The following JAKMIP3 variants were observed in gnomAD, a reference collection of about 807,000 sequenced individuals.
JAKMIP3 encodes Janus kinase and microtubule interacting protein 3.
In JAKMIP3, 58 loss-of-function variants were observed where a neutral mutation model predicts 118.5. The observed-to-expected ratio is 0.49, with a 90% CI of 0.40 to 0.61. JAKMIP3 has a LOEUF of 0.61. Ranked by LOEUF, JAKMIP3 falls within the 20% of genes least tolerant of loss-of-function variation. JAKMIP3 has a pLI of 0.00. For missense variants in JAKMIP3, 950 were observed against 1,109.0 expected (o/e 0.86, Z 2.04); for synonymous variants, 486 against 451.2 (o/e 1.08, Z -0.98).
intron 1 of JAKMIP3, among the ~76,000 whole-genome samples, chr10:132,041,464 C>A (rs981747873): frequency 6.6e-6 from 1 of 152,214 alleles, no homozygotes; most frequent in Non-Finnish European, 1.5e-5. Flanking sequence ...GAGCTGCTGC[C>A]CCGGACGGGC....
At chr10:132,105,870 GGC>G (rs2045823535) in intron 2 of JAKMIP3, among the ~76,000 whole-genome samples, 1 of 152,204 alleles carries the variant, frequency 6.6e-6, no homozygotes, top group Admixed American at 6.5e-5. Context: ...GCCCATCAAA[GGC>G]ATCTCTCTTG....
upstream of JAKMIP3, among the ~76,000 whole-genome samples, chr10:132,061,942 T>C (rs1168224348): frequency 6.6e-6 from 1 of 152,096 alleles, no homozygotes; most frequent in East Asian, 1.9e-4. Flanking sequence ...CCTATCCAGA[T>C]GGTAGACAAA....
chr10:132,109,720 T>A (rs904553660), intron 2 of JAKMIP3, among the ~76,000 whole-genome samples: 1 of 152,032 alleles, frequency 6.6e-6, no homozygotes. Flanking sequence ...TCTTCCTGAG[T>A]GGGGAAGGGC....
At chr10:132,060,880 C>T (rs1456533157), upstream of JAKMIP3, among the ~76,000 whole-genome samples, 1 of 152,002 alleles carries the variant, frequency 6.6e-6, no homozygotes, top group African/African-American at 2.4e-5. Context: ...ATTAGCTGAG[C>T]ATGGTGGTGG....
At chr10:132,042,164 C>T (rs575657645) in intron 1 of JAKMIP3, among the ~76,000 whole-genome samples, 28 of 126,960 alleles carry the variant, frequency 2.2e-4, no homozygotes, top group African/African-American at 8.6e-4. Context: ...CCGTGCCCCG[C>T]TAGTTCACTT....
At chr10:132,102,997 G>T (rs1336050067) in intron 1 of JAKMIP3, among the ~76,000 whole-genome samples, 1 of 151,208 alleles carries the variant, frequency 6.6e-6, no homozygotes, top group Non-Finnish European at 1.5e-5. Context: ...GAGGAGATGG[G>T]GGCGTGGGGT....
At chr10:132,149,328 C>G in intron 14 of JAKMIP3, 84 bp from the exon 15 acceptor site, 1 of 880,406 alleles carries the variant, frequency 1.1e-6, no homozygotes. Flanking sequence ...TGGTCTTGGC[C>G]CGTGTTCCTC....
intron 9 of JAKMIP3, among the ~76,000 whole-genome samples, chr10:132,139,336 A>T (rs112077517): frequency 3.6e-5 from 5 of 139,594 alleles, no homozygotes; most frequent in African/African-American, 8.4e-5. Context: ...GTGTGTTTGT[A>T]TGTGTGTACA....
intron 23 of JAKMIP3, among the ~76,000 whole-genome samples, chr10:132,175,926 G>T (rs899176346): frequency 5.3e-5 from 8 of 152,238 alleles, no homozygotes; most frequent in African/African-American, 1.9e-4. Flanking sequence ...AAAAGATGAG[G>T]TGTTTAGAAA....
rs184658293 is a variant in JAKMIP3, at chr10:132,151,078, A to G, written c.2007+1037A>G. On this transcript the variant is annotated intron_variant, in intron 16 of 23. Coordinates refer to ENST00000684848, the MANE Select transcript of JAKMIP3 (RefSeq NM_001323087.2). ...CCATTAACCTTTCACCCATCCATCC[A>G]TCTCCCATTCATCCTCCATAATCCA... 4.0e-3 allele frequency among the ~76,000 whole-genome samples: 601 copies of G among 149,538 alleles called. 6 individuals are homozygous for G. The highest frequency in any genetic ancestry group is 6.7e-3 in the Non-Finnish European group (453 of 67,228).
At chr10:132,164,115 C>G (rs2058655416) in intron 20 of JAKMIP3, among the ~76,000 whole-genome samples, 1 of 152,260 alleles carries the variant, frequency 6.6e-6, no homozygotes, top group African/African-American at 2.4e-5. Flanking sequence ...TGCCAGCTGG[C>G]TGTGGGCATC....
At chr10:132,154,850 GTGGTGGTGA>G (rs1275272128) in intron 19 of JAKMIP3, among the ~76,000 whole-genome samples, 4 of 111,566 alleles carry the variant, frequency 3.6e-5, no homozygotes, top group Non-Finnish European at 7.7e-5. Flanking sequence ...GGTGGCGGTG[GTGGTGGTGA>G]TGGTGGTGAT....
chr10:132,136,351 T>C (rs2051767555), intron 6 of JAKMIP3, among the ~76,000 whole-genome samples: 1 of 152,192 alleles, frequency 6.6e-6, no homozygotes, highest in Non-Finnish European at 1.5e-5. Context: ...CTCAAGGGCC[T>C]GGAACAGGTG....
intron 1 of JAKMIP3, among the ~76,000 whole-genome samples, chr10:132,067,921 T>G (rs1372346089): frequency 8.0e-6 from 1 of 125,214 alleles, no homozygotes; most frequent in Non-Finnish European, 1.7e-5. Context: ...TCTGGGCTTC[T>G]GTGTGGACTG....
At chr10:132,138,317 G>A (rs976537887) in intron 9 of JAKMIP3, 139 bp downstream of exon 9, 25 of 739,778 alleles carry the variant, frequency 3.4e-5, no homozygotes, top group Admixed American at 1.1e-4. Flanking sequence ...TGTGTGTGCC[G>A]AGGACCGCGC....
chr10:132,059,549 G>C (rs2038335719), intron 1 of JAKMIP3, among the ~76,000 whole-genome samples: 1 of 152,248 alleles, frequency 6.6e-6, no homozygotes, highest in African/African-American at 2.4e-5. Context: ...CCTTTGTGGG[G>C]CTCTTGGGCC....
intron 3 of JAKMIP3, among the ~76,000 whole-genome samples, chr10:132,119,903 C>T (rs368061162): frequency 6.6e-6 from 1 of 152,152 alleles, no homozygotes; most frequent in African/African-American, 2.4e-5. Flanking sequence ...AGGATTTGGC[C>T]CACAGAGATT....
intron 23 of JAKMIP3, among the ~76,000 whole-genome samples, chr10:132,174,500 C>A (rs902028814): frequency 3.3e-5 from 5 of 152,064 alleles, no homozygotes; most frequent in Non-Finnish European, 7.4e-5. Context: ...GGTGAAAGGA[C>A]CACAGTGCAC....
intron 1 of JAKMIP3, among the ~76,000 whole-genome samples, chr10:132,084,951 C>T (rs369388990): frequency 2.6e-5 from 4 of 152,092 alleles, no homozygotes; most frequent in Admixed American, 6.6e-5. Context: ...ACTATCTTTT[C>T]GATATGTTGT....
Sources: allele counts gnomAD v4.1 joint callset (sites outside exome capture counted in the v4.1 genomes callset), GRCh38; gene constraint gnomAD v4.1.1; transcripts MANE v1.5; gene names NCBI Gene and HGNC (gene_info 2026-07-23, HGNC 2026-07-21).